The following UBXN2A variants were observed in gnomAD, a reference collection of about 807,000 sequenced individuals.
UBXN2A encodes the protein UBX domain-containing protein 2A.
A neutral mutation model predicts 28.4 loss-of-function variants in UBXN2A; 28 were observed. The ratio of observed to expected loss-of-function variants is 0.99; its 90% CI spans 0.73 to 1.35. The LOEUF (loss-of-function observed/expected upper bound fraction) is 1.35, where lower values mean the gene tolerates loss of function less well. Among genes scored for constraint, UBXN2A ranks in the 40% most tolerant of loss-of-function variants. The probability of loss-of-function intolerance (pLI) is 0.00; values close to 1 mark genes in which losing one functional copy is unlikely to be tolerated. For synonymous variants in UBXN2A, 97 were observed against 103.6 expected (o/e 0.94, Z 0.39); for missense variants, 253 against 297.9 (o/e 0.85, Z 1.11).
chr2:23,968,235 A>C (rs979615012), intron 2 of UBXN2A, among the ~76,000 whole-genome samples: 6 of 152,146 alleles, frequency 3.9e-5, no homozygotes, highest in African/African-American at 1.4e-4. Flanking sequence ...TCATCTATTA[A>C]ATGGGGATAA....
chr2:23,958,967 A>G (rs756154874), intron 2 of UBXN2A, among the ~76,000 whole-genome samples: 3 of 152,078 alleles, frequency 2.0e-5, no homozygotes, highest in African/African-American at 7.2e-5. Flanking sequence ...TGGCTTCCTG[A>G]GTAGCTGGGA....
rs758382576 is a variant in UBXN2A, at chr2:23,971,447, T to G, written c.180+33T>G. On this transcript the variant is annotated intron_variant, in intron 3 of 6. Coordinates refer to ENST00000309033, the MANE Select transcript of UBXN2A (RefSeq NM_181713.4). ...AATGTCTATTACTTTTCTTTTTCTT[T>G]CAGTGTTTCTCAATATATGGACCTG... The G allele has an allele frequency of 1.7e-4, 258 of 1,487,954 alleles. 2 individuals carry two copies. The East Asian group carries it at 6.0e-3, about 34-fold the overall frequency. The allele number at this position is 1,487,954 out of a possible 1,614,324, so 92.2% of individuals were successfully genotyped here.
chr2:23,996,995 A>T (rs946800896), intron 6 of UBXN2A: 1 of 152,088 alleles, frequency 6.6e-6, no homozygotes, highest in Non-Finnish European at 1.5e-5. Context: ...GCCATAGCAC[A>T]CTACAGCCCC....
At chr2:23,964,417 T>C (rs1324358654) in intron 2 of UBXN2A, among the ~76,000 whole-genome samples, 1 of 151,824 alleles carries the variant, frequency 6.6e-6, no homozygotes, top group African/African-American at 2.4e-5. Context: ...ACCATGTTGG[T>C]CAGGCTGGTC....
intron 1 of UBXN2A, among the ~76,000 whole-genome samples, chr2:23,957,056 AGTT>A (rs932609755): frequency 1.4e-4 from 21 of 152,168 alleles, no homozygotes; most frequent in African/African-American, 2.2e-4. Context: ...CTATGTAAAT[AGTT>A]GTTATGTAAT....
At chr2:23,937,875 G>A (rs1705574785), upstream of UBXN2A, among the ~76,000 whole-genome samples, 1 of 152,154 alleles carries the variant, frequency 6.6e-6, no homozygotes, top group Non-Finnish European at 1.5e-5. Flanking sequence ...ATGGTATAGT[G>A]TACTACACAT....
chr2:23,998,811 C>A (rs995651905), intron 6 of UBXN2A, among the ~76,000 whole-genome samples: 2 of 152,096 alleles, frequency 1.3e-5, no homozygotes, highest in East Asian at 1.9e-4. Context: ...CTCACTGCAA[C>A]CTTCGTCTCC....
At chr2:23,958,469 C>A in intron 2 of UBXN2A, 114 bp downstream of exon 2, 1 of 946,646 alleles carries the variant, frequency 1.1e-6, no homozygotes, top group Non-Finnish European at 1.5e-6. Context: ...TGTATGACTA[C>A]TTCATTGTCA....
intron 3 of UBXN2A, among the ~76,000 whole-genome samples, chr2:23,975,247 G>A (rs1426908048): frequency 2.0e-5 from 3 of 152,106 alleles, no homozygotes; most frequent in Admixed American, 6.6e-5. Context: ...TGAAAAGATG[G>A]TTGGTAAGTT....
At chr2:23,930,247 G>A (rs1362180631) in intron 1 of UBXN2A, among the ~76,000 whole-genome samples, 2 of 152,106 alleles carry the variant, frequency 1.3e-5, no homozygotes, top group Non-Finnish European at 2.9e-5. Flanking sequence ...AAACCAGCCT[G>A]GGCAACATAG....
chr2:23,963,298 C>T (rs1384409077), intron 2 of UBXN2A, among the ~76,000 whole-genome samples: 2 of 151,778 alleles, frequency 1.3e-5, no homozygotes, highest in Non-Finnish European at 2.9e-5. Context: ...GGGCGGATCA[C>T]GAGGTCAGAA....
intron 3 of UBXN2A, among the ~76,000 whole-genome samples, chr2:23,974,061 C>T (rs61479558): frequency 0.46 from 67,972 of 147,516 alleles, 16,227 homozygotes; most frequent in East Asian, 0.77. Context: ...GTCGCCCAGG[C>T]TGGAGTGCAG....
intron 4 of UBXN2A, among the ~76,000 whole-genome samples, chr2:23,982,027 TA>T (rs1707929917): frequency 6.6e-6 from 1 of 151,968 alleles, no homozygotes; most frequent in African/African-American, 2.4e-5. Flanking sequence ...TGATAAGCTT[TA>T]AAAAAATTGC....
chr2:23,987,820 A>G (rs923935907), intron 6 of UBXN2A, among the ~76,000 whole-genome samples: 2 of 149,732 alleles, frequency 1.3e-5, no homozygotes, highest in Non-Finnish European at 3.0e-5. Flanking sequence ...AATGTTCAAG[A>G]ACAATATAAA....
At chr2:23,993,704 T>TTC (rs1708433092) in intron 6 of UBXN2A, among the ~76,000 whole-genome samples, 1 of 114,264 alleles carries the variant, frequency 8.8e-6, no homozygotes, top group African/African-American at 2.8e-5. Context: ...TTTTTTTTTT[T>TTC]TCAAGACAGA....
intron 6 of UBXN2A, among the ~76,000 whole-genome samples, chr2:23,991,099 C>T (rs896156234): frequency 5.3e-5 from 8 of 152,140 alleles, no homozygotes; most frequent in Admixed American, 1.3e-4. Context: ...TGGACTGAAT[C>T]ATTAAAAAAT....
In UBXN2A at chr2:23,959,968, T is replaced by G. The variant is rs1487019697; in HGVS notation, c.41+1613T>G. Among the ~76,000 whole-genome samples, 4 of 152,040 alleles carry G rather than the reference T, an allele frequency of 2.6e-5. No individual in the cohort carries two copies. In the East Asian group the frequency reaches 7.7e-4, roughly 29 times the overall value. ...CCTTCTAGAAATCCAAGTTTGCAGG[T>G]GCGGCCGGGCGCAGTGCCTCATGCC... On this transcript the variant is annotated intron_variant, in intron 2 of 6. Coordinates refer to ENST00000309033, the MANE Select transcript of UBXN2A (RefSeq NM_181713.4).
At chr2:23,999,572 A>AT in intron 6 of UBXN2A, 100 bp from the exon 7 acceptor site, 2 of 1,298,084 alleles carry the variant, frequency 1.5e-6, no homozygotes, top group Non-Finnish European at 2.1e-6. Flanking sequence ...CGCTATCTCT[A>AT]ATAATAACAT....
chr2:23,976,295 C>T (rs1193032105), intron 3 of UBXN2A, among the ~76,000 whole-genome samples: 1 of 152,122 alleles, frequency 6.6e-6, no homozygotes, highest in African/African-American at 2.4e-5. Context: ...GATTGGTTGT[C>T]GACTAGGGGA....
Sources: gnomAD v4.1 joint callset for allele counts (sites outside exome capture counted in the v4.1 genomes callset) on GRCh38, gnomAD v4.1.1 for gene constraint, MANE v1.5 for transcripts, NCBI Gene and HGNC (gene_info 2026-07-23, HGNC 2026-07-21) for gene names.